The following PTPRD variants were observed in gnomAD, a reference collection of about 807,000 sequenced individuals.
The protein encoded by PTPRD is protein tyrosine phosphatase receptor type D.
PTPRD carries 34 observed loss-of-function variants against 214.5 expected under a neutral mutation model. That is an observed-to-expected ratio of 0.16 (90% confidence interval 0.12 to 0.21). The LOEUF is 0.21. PTPRD is among the 10% of genes least tolerant of loss of function. The pLI is 1.00. For synonymous variants in PTPRD, 1,128 were observed against 845.7 expected, an observed-to-expected ratio of 1.33 and a Z score of -5.79; for missense variants, 2,545 against 2,398.7, an observed-to-expected ratio of 1.06 and a Z score of -1.27.
At chr9:10,479,658 T>TAAACAAACAAACAAAC (rs1555402919) in intron 2 of PTPRD, among the ~76,000 whole-genome samples, 36 of 145,812 alleles carry the variant, frequency 2.5e-4, no homozygotes, top group African/African-American at 7.5e-4. Context: ...AATAAATAAA[T>TAAACAAACAAACAAAC]AAACAAAAAT....
At chr9:8,455,033 T>C (rs972882436) in intron 33 of PTPRD, among the ~76,000 whole-genome samples, 1 of 152,172 alleles carries the variant, frequency 6.6e-6, no homozygotes, top group Non-Finnish European at 1.5e-5. Context: ...ATAAAAAGCC[T>C]TCAATTAAGA....
chr9:10,396,351 C>A (rs544991441), intron 2 of PTPRD, among the ~76,000 whole-genome samples: 2 of 151,910 alleles, frequency 1.3e-5, no homozygotes, highest in Admixed American at 6.6e-5. Flanking sequence ...AGGTAGCCTG[C>A]GGGAGCTGGC....
intron 35 of PTPRD, among the ~76,000 whole-genome samples, chr9:8,412,974 G>C (rs759947279): frequency 3.1e-4 from 47 of 152,020 alleles, no homozygotes; most frequent in African/African-American, 8.7e-4. Flanking sequence ...TGAATAGCTT[G>C]GTTTCACAAT....
intron 9 of PTPRD, among the ~76,000 whole-genome samples, chr9:9,320,651 T>A (rs146356462): frequency 9.2e-5 from 14 of 152,254 alleles, no homozygotes; most frequent in African/African-American, 3.4e-4. Flanking sequence ...ACCTTTCTAG[T>A]GACCAATGAG....
At chr9:9,079,352 C>A (rs2099755779) in intron 10 of PTPRD, among the ~76,000 whole-genome samples, 1 of 152,058 alleles carries the variant, frequency 6.6e-6, no homozygotes, top group South Asian at 2.1e-4. Context: ...TCCTTCAGTT[C>A]CATCTATGTT....
chr9:10,413,402 G>C lies in PTPRD; in HGVS notation c.-599-72385C>G, dbSNP rs188476757. Among the ~76,000 whole-genome samples, 97 of 151,966 alleles carry C rather than the reference G, an allele frequency of 6.4e-4. 2 individuals are homozygous for C. The highest frequency in any genetic ancestry group is 2.2e-3 in the African/African-American group (92 of 41,486). ...AAATACTTAGAAAAACAGCTCACGA[G>C]GGATGTAAAAGATCTCTATGATAAG... On this transcript the variant is annotated intron_variant, in intron 2 of 45. Transcript: ENST00000381196.
intron 11 of PTPRD, among the ~76,000 whole-genome samples, chr9:8,795,029 A>C (rs1287065613): frequency 2.0e-5 from 3 of 152,166 alleles, no homozygotes; most frequent in African/African-American, 7.2e-5. Flanking sequence ...TCTTGAATTC[A>C]TAACATCTCT....
In PTPRD at chr9:9,954,297, C is replaced by CCAAAAAAA. The variant is rs1555388978; in HGVS notation, c.-471-15688_-471-15687insTTTTTTTG. On this transcript the variant is annotated intron_variant, in intron 4 of 45. Transcript: ENST00000381196. ...GACAGATTGAGACTCTGTCTCAAAACAAAAAAAAAAAAAAAAAAAAAAAAA... is the reference window on the plus strand; with the variant it reads ...GACAGATTGAGACTCTGTCTCAAAACCAAAAAAAAAAAAAAAAAAAAAAAAAAAAAAAA... Among the ~76,000 whole-genome samples the CCAAAAAAA allele has an allele frequency of 1.1e-4, 6 of 53,752 alleles. 1 individual carries two copies. Among genetic ancestry groups the CCAAAAAAA allele is most frequent in the African/African-American group, 2.6e-4 (5 of 19,442 alleles). 35.3% of individuals were successfully genotyped at this position (53,752 alleles called of 152,430 possible).
intron 3 of PTPRD, among the ~76,000 whole-genome samples, chr9:10,323,115 T>C (rs2096580941): frequency 6.6e-6 from 1 of 152,010 alleles, no homozygotes; most frequent in Admixed American, 6.6e-5. Flanking sequence ...TTTTAACTAT[T>C]CAGTTAAAAC....
chr9:9,776,324 C>G (rs1053288694), intron 5 of PTPRD, among the ~76,000 whole-genome samples: 3 of 152,100 alleles, frequency 2.0e-5, no homozygotes, highest in African/African-American at 4.8e-5. Flanking sequence ...TTATCCTAGT[C>G]TTAGTTGTAT....
intron 10 of PTPRD, among the ~76,000 whole-genome samples, chr9:9,166,723 A>G (rs371359177): frequency 1.3e-5 from 2 of 152,262 alleles, no homozygotes; most frequent in East Asian, 3.9e-4. Context: ...TGGTCTTCTT[A>G]AAAACACCTT....
intron 3 of PTPRD, among the ~76,000 whole-genome samples, chr9:10,085,984 A>C (rs1033137540): frequency 6.6e-6 from 1 of 151,970 alleles, no homozygotes; most frequent in South Asian, 2.1e-4. Context: ...GCAGTATATT[A>C]AGCAACCAGT....
intron 8 of PTPRD, among the ~76,000 whole-genome samples, chr9:9,490,936 G>T (rs182114080): frequency 4.7e-5 from 7 of 149,254 alleles, no homozygotes; most frequent in Non-Finnish European, 7.4e-5. Flanking sequence ...GAATATAAAT[G>T]TACTGTCTAA....
intron 11 of PTPRD, among the ~76,000 whole-genome samples, chr9:8,803,113 G>C (rs1023618059): frequency 1.3e-5 from 2 of 151,880 alleles, no homozygotes; most frequent in Non-Finnish European, 2.9e-5. Context: ...TACCTCCTAG[G>C]GCGGTTAAAA....
At chr9:8,498,125 A>C (rs2136673006) in intron 25 of PTPRD, among the ~76,000 whole-genome samples, 1 of 152,326 alleles carries the variant, frequency 6.6e-6, no homozygotes, top group Non-Finnish European at 1.5e-5. Context: ...CGGGGTAGAT[A>C]AGTGAGCAAT....
chr9:10,444,787 T>C (rs1342898575), intron 2 of PTPRD, among the ~76,000 whole-genome samples: 3 of 151,948 alleles, frequency 2.0e-5, no homozygotes, highest in Non-Finnish European at 4.4e-5. Flanking sequence ...GGAGACATAA[T>C]GTTCAGATAA....
intron 3 of PTPRD, among the ~76,000 whole-genome samples, chr9:10,077,797 T>C (rs56245724): frequency 0.22 from 33,788 of 151,848 alleles, 4,006 homozygotes; most frequent in South Asian, 0.31. Context: ...GGCCTTCAGC[T>C]CCAACCATGT....
intron 7 of PTPRD, among the ~76,000 whole-genome samples, chr9:9,603,567 C>T (rs1211022244): frequency 6.6e-6 from 1 of 152,010 alleles, no homozygotes; most frequent in Non-Finnish European, 1.5e-5. Context: ...AGCTCCACCT[C>T]CTGTGCCATC....
intron 11 of PTPRD, among the ~76,000 whole-genome samples, chr9:8,962,553 A>C (rs566754285): frequency 1.3e-5 from 2 of 151,796 alleles, no homozygotes; most frequent in South Asian, 4.2e-4. Flanking sequence ...AGAGAGAGAG[A>C]GAGCGAGAGC....
Sources: allele counts gnomAD v4.1 joint callset (sites outside exome capture counted in the v4.1 genomes callset), GRCh38; gene constraint gnomAD v4.1.1; transcripts MANE v1.5; gene names NCBI Gene and HGNC (gene_info 2026-07-23, HGNC 2026-07-21).